LIMCH1: variants seen among roughly 807,000 people sequenced by gnomAD.
LIMCH1 encodes LIM and calponin homology domains-containing protein 1.
A neutral mutation model predicts 176.5 loss-of-function variants in LIMCH1; 113 were observed. The observed-to-expected ratio is 0.64, with a 90% CI of 0.55 to 0.75. LIMCH1 has a LOEUF of 0.75. Ranked by LOEUF, LIMCH1 falls within the 30% of genes least tolerant of loss-of-function variation. The pLI is 0.00. For synonymous variants in LIMCH1, 619 were observed against 645.9 expected (o/e 0.96, Z 0.63); for missense variants, 1,674 against 1,814.9 (o/e 0.92, Z 1.41).
rs543543750 is a variant in LIMCH1, at chr4:41,545,846, C to T, written c.-241+7496C>T. Among the ~76,000 whole-genome samples the T allele has an allele frequency of 1.5e-4, 23 of 152,242 alleles. No homozygotes were observed. In the East Asian group the frequency reaches 2.9e-3, roughly 19 times the overall value. On this transcript the variant is annotated intron_variant, in intron 1 of 31. Coordinates refer to ENST00000503057, the MANE Select transcript of LIMCH1 (RefSeq NM_001330672.2). The stretch of plus-strand genomic sequence containing the variant: ...TATGTTCAGTCAAGAATATCCATTT[C>T]GTTTCATACTTACTTGGCAGTTTAA...
At chr4:41,366,081 A>T (rs551391514) in intron 1 of LIMCH1, among the ~76,000 whole-genome samples, 156 of 152,330 alleles carry the variant, frequency 1.0e-3, no homozygotes, top group Middle Eastern at 6.8e-3. Context: ...GGAGTACTAG[A>T]AATTGGCCTG....
chr4:41,566,210 G>A (rs2082747304), intron 1 of LIMCH1, among the ~76,000 whole-genome samples: 2 of 152,104 alleles, frequency 1.3e-5, no homozygotes, highest in Non-Finnish European at 2.9e-5. Flanking sequence ...ACTTATTCCA[G>A]ACTCTTGTTA....
At chr4:41,486,956 A>G (rs1477328144) in intron 1 of LIMCH1, among the ~76,000 whole-genome samples, 1 of 136,858 alleles carries the variant, frequency 7.3e-6, no homozygotes, top group Non-Finnish European at 1.6e-5. Context: ...TGATATATAT[A>G]TATACACACA....
intron 1 of LIMCH1, among the ~76,000 whole-genome samples, chr4:41,573,325 C>T (rs1288464907): frequency 1.3e-5 from 2 of 152,094 alleles, no homozygotes; most frequent in Non-Finnish European, 2.9e-5. Context: ...TATGTAATCA[C>T]TATGTAAAAA....
intron 21 of LIMCH1, among the ~76,000 whole-genome samples, chr4:41,669,130 T>C (rs983891542): frequency 6.6e-5 from 10 of 152,192 alleles, no homozygotes; most frequent in Non-Finnish European, 5.9e-5. Flanking sequence ...GTTCAAATTT[T>C]CATGTGTCTA....
chr4:41,363,498 T>TAAA (rs1414508510), intron 1 of LIMCH1, among the ~76,000 whole-genome samples: 1 of 152,220 alleles, frequency 6.6e-6, no homozygotes, highest in Non-Finnish European at 1.5e-5. Context: ...AGCAAGTTAA[T>TAAA]AAACAAACTT....
rs143458981 is a variant in LIMCH1, at chr4:41,544,081, C to T, written c.-241+5731C>T. 8.8e-3 allele frequency among the ~76,000 whole-genome samples: 1,332 copies of T among 152,044 alleles called. 25 individuals carry two copies. Among genetic ancestry groups the T allele is most frequent in the African/African-American group, 0.031 (1,269 of 41,444 alleles). On this transcript the variant is annotated intron_variant, in intron 1 of 31. Transcript: ENST00000503057. ...TATTGTCTTTATATTTCAGATACCC[C>T]CCCACCCCCACCAAGCCTTCTCAAT... is the stretch of plus-strand genomic sequence containing the variant.
chr4:41,627,683 T>C (rs1396591670), intron 8 of LIMCH1, among the ~76,000 whole-genome samples: 3 of 152,230 alleles, frequency 2.0e-5, no homozygotes, highest in Non-Finnish European at 4.4e-5. Context: ...AGGAAAATTA[T>C]AGTAAGATGG....
intron 31 of LIMCH1, among the ~76,000 whole-genome samples, chr4:41,695,425 A>G (rs1334309696): frequency 1.3e-5 from 2 of 151,406 alleles, no homozygotes; most frequent in Non-Finnish European, 2.9e-5. Flanking sequence ...TTTTCCAGTT[A>G]GCCACTTGTA....
chr4:41,396,009 C>T (rs111593638), intron 1 of LIMCH1, among the ~76,000 whole-genome samples: 2,795 of 152,134 alleles, frequency 0.018, 84 homozygotes, highest in East Asian at 0.12. Flanking sequence ...GGAATGAGGG[C>T]GAAAGCCATA....
chr4:41,593,968 T>C (rs2088183093), intron 1 of LIMCH1, among the ~76,000 whole-genome samples: 1 of 149,758 alleles, frequency 6.7e-6, no homozygotes, highest in Admixed American at 6.6e-5. Context: ...TGTGAACATA[T>C]ATATACATGC....
At position 41,613,608 on chromosome 4, in the gene LIMCH1, C is replaced by G; in HGVS notation, c.152C>G (p.Ser51Cys). The G allele has an allele frequency of 6.2e-7, 1 of 1,614,172 alleles. No homozygotes were observed. ...TTCGACAGCCTGGATTCCTTTGGCT[C>G]TCGCTCTCGGCAGACGCCTTCACCA... ...DSFDSLDSFG[S>C]RSRQTPSPDV... Residue 51 changes from serine to cysteine, a missense_variant, in exon 5 of 32, where the codon TCT (serine) becomes TGT (cysteine). By Grantham distance (112) the Ser-to-Cys change is moderately radical (BLOSUM62 -1). Transcript: ENST00000503057.
chr4:41,487,085 T>A (rs2069731628), intron 1 of LIMCH1, among the ~76,000 whole-genome samples: 1 of 152,040 alleles, frequency 6.6e-6, no homozygotes, highest in Non-Finnish European at 1.5e-5. Flanking sequence ...GGTCTTGAAC[T>A]CTTGACCTCG....
intron 1 of LIMCH1, among the ~76,000 whole-genome samples, chr4:41,456,659 C>T (rs183812370): frequency 5.3e-5 from 8 of 152,288 alleles, no homozygotes; most frequent in East Asian, 1.9e-4. Flanking sequence ...TTTAGCATTA[C>T]TTTCAATGGC....
At chr4:41,382,055 G>C (rs76162603) in intron 1 of LIMCH1, among the ~76,000 whole-genome samples, 1 of 152,196 alleles carries the variant, frequency 6.6e-6, no homozygotes, top group Non-Finnish European at 1.5e-5. Context: ...TTATGAGTGC[G>C]TCCAGCTAAG....
intron 1 of LIMCH1, among the ~76,000 whole-genome samples, chr4:41,379,027 A>T (rs1348872208): frequency 6.6e-6 from 1 of 152,212 alleles, no homozygotes; most frequent in Non-Finnish European, 1.5e-5. Flanking sequence ...AAGTTTTTTG[A>T]TGGTGATTTA....
intron 7 of LIMCH1, among the ~76,000 whole-genome samples, chr4:41,624,608 G>C (rs2092817774): frequency 6.6e-6 from 1 of 151,728 alleles, no homozygotes; most frequent in Non-Finnish European, 1.5e-5. Context: ...ATTGGAGATG[G>C]GGTGAACAGG....
chr4:41,540,405 A>G (rs1241643447), intron 1 of LIMCH1, among the ~76,000 whole-genome samples: 1 of 152,174 alleles, frequency 6.6e-6, no homozygotes, highest in East Asian at 1.9e-4. Flanking sequence ...GTGATTTTTA[A>G]ACCTTCTCTT....
intron 1 of LIMCH1, among the ~76,000 whole-genome samples, chr4:41,548,651 T>G (rs1278080719): frequency 6.6e-6 from 1 of 152,220 alleles, no homozygotes; most frequent in Non-Finnish European, 1.5e-5. Context: ...TCCTGATGCC[T>G]TCCAGATATA....
Sources: gnomAD v4.1 joint callset for allele counts (sites outside exome capture counted in the v4.1 genomes callset) on GRCh38, gnomAD v4.1.1 for gene constraint, MANE v1.5 for transcripts, NCBI Gene and HGNC (gene_info 2026-07-23, HGNC 2026-07-21) for gene names.